Variants in SOX5 observed in about 807,000 individuals in gnomAD.
The protein encoded by SOX5 is SRY-box transcription factor 5.
In SOX5, 9 loss-of-function variants were observed where a neutral mutation model predicts 92.0. The ratio of observed to expected loss-of-function variants is 0.10; its 90% confidence interval spans 0.06 to 0.17. SOX5 has a LOEUF of 0.17. Ranked by LOEUF, SOX5 falls within the 10% of genes least tolerant of loss-of-function variation. The pLI, the probability that SOX5 is intolerant of heterozygous loss-of-function variation, is 1.00. For synonymous variants in SOX5, 344 were observed against 336.3 expected, an observed-to-expected ratio of 1.02 and a Z score of -0.25; for missense variants, 642 against 944.5, an observed-to-expected ratio of 0.68 and a Z score of 4.20.
At chr12:23,972,253 C>T (rs1848478097) in intron 4 of SOX5, among the ~76,000 whole-genome samples, 1 of 152,168 alleles carries the variant, frequency 6.6e-6, no homozygotes, top group African/African-American at 2.4e-5. Context: ...AGAAGCTGAG[C>T]ATAAACATTT....
intron 1 of SOX5, among the ~76,000 whole-genome samples, chr12:24,413,765 C>G (rs1194510402): frequency 6.6e-6 from 1 of 152,196 alleles, no homozygotes; most frequent in Non-Finnish European, 1.5e-5. Flanking sequence ...AGGTTCCAAG[C>G]ATGAAATTCT....
At chr12:23,802,893 T>C (rs908516217) in intron 3 of SOX5, among the ~76,000 whole-genome samples, 2 of 152,192 alleles carry the variant, frequency 1.3e-5, no homozygotes, top group Non-Finnish European at 2.9e-5. Flanking sequence ...AACTGCCTAC[T>C]TCTCAACCAC....
At chr12:24,164,560 A>T (rs185565809) in intron 4 of SOX5, among the ~76,000 whole-genome samples, 108 of 152,194 alleles carry the variant, frequency 7.1e-4, no homozygotes, top group African/African-American at 2.5e-3. Context: ...GTTGCTAATC[A>T]CTCTGGTGTC....
intron 3 of SOX5, among the ~76,000 whole-genome samples, chr12:23,819,613 G>A (rs531645808): frequency 9.8e-4 from 149 of 152,170 alleles, no homozygotes; most frequent in African/African-American, 3.5e-3. Context: ...GGTGTGTGAT[G>A]TTCCCCTCTC....
intron 9 of SOX5, among the ~76,000 whole-genome samples, chr12:23,589,730 G>C (rs1951257745): frequency 6.6e-6 from 1 of 150,788 alleles, no homozygotes; most frequent in African/African-American, 2.4e-5. Flanking sequence ...GAGTCGTTTT[G>C]TATAAATAAC....
chr12:24,050,951 A>G (rs984529753), intron 4 of SOX5, among the ~76,000 whole-genome samples: 2 of 152,046 alleles, frequency 1.3e-5, no homozygotes, highest in African/African-American at 4.8e-5. Context: ...TACCAGAATA[A>G]TTTTTCTCCT....
At chr12:23,751,881 G>C (rs992805702) in intron 4 of SOX5, among the ~76,000 whole-genome samples, 1 of 151,826 alleles carries the variant, frequency 6.6e-6, no homozygotes, top group Non-Finnish European at 1.5e-5. Flanking sequence ...TTAATGCACC[G>C]TGACCAGGGT....
intron 1 of SOX5, among the ~76,000 whole-genome samples, chr12:24,524,532 A>C (rs1950540349): frequency 6.6e-6 from 1 of 152,182 alleles, no homozygotes; most frequent in Admixed American, 6.5e-5. Flanking sequence ...TGATTTTAAA[A>C]TGTGCTAAAA....
At chr12:24,238,471 C>A (rs1177829795) in intron 3 of SOX5, among the ~76,000 whole-genome samples, 3 of 152,206 alleles carry the variant, frequency 2.0e-5, no homozygotes, top group Admixed American at 6.5e-5. Flanking sequence ...CCCACCTCAA[C>A]CTCCAGAGTA....
intron 1 of SOX5, among the ~76,000 whole-genome samples, chr12:24,370,557 G>A (rs964277377): frequency 3.3e-5 from 5 of 151,584 alleles, no homozygotes; most frequent in Non-Finnish European, 5.9e-5. Flanking sequence ...TTTGGGAGGC[G>A]AAAGCAGGTG....
chr12:24,156,601 T>A (rs1952197774), intron 4 of SOX5, among the ~76,000 whole-genome samples: 1 of 152,168 alleles, frequency 6.6e-6, no homozygotes, highest in South Asian at 2.1e-4. Context: ...GTACCCAGCA[T>A]AATTCTAGCA....
intron 1 of SOX5, among the ~76,000 whole-genome samples, chr12:24,548,362 T>C (rs1952846387): frequency 6.6e-6 from 1 of 152,202 alleles, no homozygotes; most frequent in African/African-American, 2.4e-5. Flanking sequence ...AGCTAGTATA[T>C]TTGGTGAGAA....
rs1555328066 is a variant in SOX5, at chr12:24,506,418, A to AGAGAG, written c.-251+55910_-251+55911insCTCTC. On this transcript the variant is annotated intron_variant, in intron 1 of 4. Transcript: ENST00000446891. ...GCACATAAATTTACAAAAAAAAAAA[A>AGAGAG]AGAGAGAGAGAGATGCAATAATGAT... Among the ~76,000 whole-genome samples, 7 of 146,850 alleles carry AGAGAG rather than the reference A, an allele frequency of 4.8e-5. No homozygotes were observed. The East Asian group carries it at 6.0e-4, about 13-fold the overall frequency.
intron 6 of SOX5, among the ~76,000 whole-genome samples, chr12:23,728,506 C>T (rs1471931526): frequency 2.0e-5 from 3 of 152,118 alleles, no homozygotes; most frequent in Non-Finnish European, 1.5e-5. Context: ...TAGGTACATA[C>T]TATTATTTCA....
rs1039975149 is a variant in SOX5 at position 24,133,878 on chromosome 12, T to C, written c.-2+79465A>G. 3.3e-5 allele frequency among the ~76,000 whole-genome samples: 5 copies of C among 152,232 alleles called. No homozygotes were observed. The East Asian group carries it at 7.7e-4, about 24-fold the overall frequency. On this transcript the variant is annotated intron_variant, in intron 4 of 4. Transcript: ENST00000446891. ...TAATGATTAGAATCACATTCTGATA[T>C]ATAGCACACACCAAAAATATTGGCA...
chr12:23,840,708 G>A (rs2096502346), intron 3 of SOX5, among the ~76,000 whole-genome samples: 1 of 152,094 alleles, frequency 6.6e-6, no homozygotes, highest in Non-Finnish European at 1.5e-5. Flanking sequence ...CTTTAGCAAG[G>A]AAAAAGGCAA....
intron 1 of SOX5, among the ~76,000 whole-genome samples, chr12:24,428,640 A>G (rs771360756): frequency 7.1e-6 from 1 of 141,366 alleles, no homozygotes; most frequent in Non-Finnish European, 1.5e-5. Context: ...ATGGTGGCAC[A>G]TGCCTGTAGT....
intron 1 of SOX5, among the ~76,000 whole-genome samples, chr12:23,913,907 A>T (rs1371435730): frequency 6.6e-6 from 1 of 152,178 alleles, no homozygotes; most frequent in Non-Finnish European, 1.5e-5. Flanking sequence ...AGAAAAGATA[A>T]TATGGGTTAT....
intron 1 of SOX5, among the ~76,000 whole-genome samples, chr12:23,919,634 C>CGGCCAAGGA (rs1370862437): frequency 4.6e-5 from 7 of 152,132 alleles, no homozygotes; most frequent in Admixed American, 1.3e-4. Context: ...CTCTACTTTA[C>CGGCCAAGGA]GGCCAAGGAA....
Sources: allele counts gnomAD v4.1 joint callset (sites outside exome capture counted in the v4.1 genomes callset), GRCh38; gene constraint gnomAD v4.1.1; transcripts MANE v1.5; gene names NCBI Gene and HGNC (gene_info 2026-07-23, HGNC 2026-07-21).